Variants in SIPA1L3 observed in about 807,000 individuals in gnomAD.
SIPA1L3 encodes the protein signal induced proliferation associated 1 like 3.
In SIPA1L3, 59 loss-of-function variants were observed where a neutral mutation model predicts 150.1. That is an observed-to-expected ratio of 0.39 (90% CI 0.32 to 0.49). The LOEUF is 0.49. SIPA1L3 is among the 20% of genes least tolerant of loss of function. The pLI is 0.86. For synonymous variants in SIPA1L3, 1,070 were observed against 1,077.6 expected (o/e 0.99, Z 0.14); for missense variants, 2,211 against 2,489.5 (o/e 0.89, Z 2.38).
chr19:38,030,974 C>T (rs112744442), intron 2 of SIPA1L3, among the ~76,000 whole-genome samples: 58 of 152,168 alleles, frequency 3.8e-4, no homozygotes, highest in African/African-American at 1.3e-3. Context: ...AACTGAGTGG[C>T]TGTGGATGGA....
In SIPA1L3 at chr19:38,152,930, G is replaced by C. The variant is rs138757209; in HGVS notation, c.3624G>C (p.Leu1208=). The C allele has an allele frequency of 3.5e-5, 56 of 1,613,506 alleles. No individual in the cohort carries two copies. The African/African-American group carries it at 5.3e-4, about 15-fold the overall frequency. Reference sequence around the variant, plus strand: ...GCGGCGACTCCTCTTCCGGCGGCCTGACCAGCCAGGAGAGCACCATGGAAC... The same window carrying C: ...GCGGCGACTCCTCTTCCGGCGGCCTCACCAGCCAGGAGAGCACCATGGAAC... ...TSSGDSSSGG[L]TSQESTMERQ... is the part of the protein sequence containing the mutation. The change falls in exon 13 of 22, where the codon CTG becomes CTC. Residue 1208 remains leucine (L), a synonymous_variant. Transcript: ENST00000222345.
At chr19:38,161,340 CAAAAAAAAA>C (rs952754406) in intron 13 of SIPA1L3, among the ~76,000 whole-genome samples, 1 of 46,404 alleles carries the variant, frequency 2.2e-5, no homozygotes. Flanking sequence ...GACTCCGTCT[CAAAAAAAAA>C]AAAAAAAAAA....
chr19:38,188,137 C>T (rs1383041075), intron 16 of SIPA1L3, among the ~76,000 whole-genome samples: 1 of 151,848 alleles, frequency 6.6e-6, no homozygotes, highest in Non-Finnish European at 1.5e-5. Context: ...TGAGTCACTT[C>T]ACTTCTAACT....
At chr19:37,955,130 A>G (rs353405) in intron 1 of SIPA1L3, among the ~76,000 whole-genome samples, 119,273 of 145,414 alleles carry the variant, frequency 0.82, 49,485 homozygotes, top group African/African-American at 0.94. Context: ...GGTGGCTCAC[A>G]CCTGTAATCC....
chr19:37,930,634 G>C (rs2046545378), intron 1 of SIPA1L3, among the ~76,000 whole-genome samples: 1 of 152,162 alleles, frequency 6.6e-6, no homozygotes, highest in African/African-American at 2.4e-5. Context: ...GAGGAATGCA[G>C]TGTGGGCTCT....
At chr19:38,146,318 C>T (rs1024803382) in intron 12 of SIPA1L3, among the ~76,000 whole-genome samples, 3 of 152,116 alleles carry the variant, frequency 2.0e-5, no homozygotes, top group Admixed American at 6.5e-5. Context: ...CTGTTTATTC[C>T]GTGGTCTAGA....
intron 1 of SIPA1L3, among the ~76,000 whole-genome samples, chr19:38,012,169 C>T (rs751093598): frequency 6.6e-6 from 1 of 151,662 alleles, no homozygotes; most frequent in Non-Finnish European, 1.5e-5. Flanking sequence ...TTGCTGCAGC[C>T]TCGACCTTCC....
chr19:37,974,838 C>T (rs1967037834), intron 1 of SIPA1L3, among the ~76,000 whole-genome samples: 1 of 152,118 alleles, frequency 6.6e-6, no homozygotes, highest in African/African-American at 2.4e-5. Flanking sequence ...TATTCTAGGC[C>T]AGCCCTTCTC....
chr19:38,045,160 T>C (rs1172384199), intron 2 of SIPA1L3, among the ~76,000 whole-genome samples: 1 of 152,070 alleles, frequency 6.6e-6, no homozygotes, highest in Non-Finnish European at 1.5e-5. Flanking sequence ...GGCAGATCAC[T>C]TGAGGTCAGG....
At chr19:38,121,744 A>G (rs28808672) in intron 9 of SIPA1L3, among the ~76,000 whole-genome samples, 3 of 140,140 alleles carry the variant, frequency 2.1e-5, no homozygotes, top group African/African-American at 3.1e-5. Context: ...GTCTCAAAAA[A>G]AAATAAATAA....
At position 38,198,313 on chromosome 19, in the gene SIPA1L3, A is replaced by C. The variant is rs573786987; in HGVS notation, c.4841-76A>C. The C allele has an allele frequency of 3.7e-5, 52 of 1,405,026 alleles. No homozygotes were observed. In the East Asian group the frequency reaches 9.7e-4, roughly 26 times the overall value. 87.0% of individuals were successfully genotyped at this position (1,405,026 alleles called of 1,614,324 possible). On this transcript the variant is annotated intron_variant, in intron 18 of 21. Transcript: ENST00000222345. Reference sequence around the variant, plus strand: ...GGGCATGTAGCATCTCTGCATAAGCAATGGGATGTCTTCATGTATTTGTGT... The same window carrying C: ...GGGCATGTAGCATCTCTGCATAAGCCATGGGATGTCTTCATGTATTTGTGT...
chr19:38,127,405 G>A (rs1248873875), intron 9 of SIPA1L3, among the ~76,000 whole-genome samples: 1 of 152,054 alleles, frequency 6.6e-6, no homozygotes, highest in East Asian at 1.9e-4. Context: ...AAAAATTAAC[G>A]ATAATTCCTT....
chr19:38,049,361 G>A (rs1174840236), intron 2 of SIPA1L3, among the ~76,000 whole-genome samples: 6 of 152,088 alleles, frequency 3.9e-5, no homozygotes, highest in Non-Finnish European at 8.8e-5. Context: ...TCATTCTTTC[G>A]GTTTCTTCTG....
chr19:37,992,153 CCTT>C (rs1219153186), intron 1 of SIPA1L3, among the ~76,000 whole-genome samples: 5 of 152,166 alleles, frequency 3.3e-5, no homozygotes, highest in African/African-American at 9.7e-5. Context: ...TGCATTTCCT[CCTT>C]CTACAGCAAG....
intron 2 of SIPA1L3, among the ~76,000 whole-genome samples, chr19:38,053,560 CTT>C (rs1019175868): frequency 2.1e-5 from 3 of 145,336 alleles, no homozygotes; most frequent in Admixed American, 6.9e-5. Flanking sequence ...GAAGGAGGTA[CTT>C]TTTTTTTTTT....
Position 38,206,871 on chromosome 19 carries a change from G to C in SIPA1L3, c.*631G>C, listed in dbSNP as rs1973229479. On this transcript the variant is annotated 3_prime_UTR_variant, in exon 22 of 22. Coordinates refer to ENST00000222345, the MANE Select transcript of SIPA1L3 (RefSeq NM_015073.3). ...TTCTTAGAGTTTAAATTATTTTCTT[G>C]GGGGCCTGAGGATAGAGAGAGGCAA... 1 of 152,690 alleles carries C rather than the reference G, an allele frequency of 6.5e-6. No individual in the cohort carries two copies. The highest frequency in any genetic ancestry group is 2.1e-4 in the South Asian group (1 of 4,832). 9.5% of individuals were successfully genotyped at this position (152,690 alleles called of 1,614,324 possible).
At chr19:38,194,901 A>C (rs1972887686) in intron 18 of SIPA1L3, among the ~76,000 whole-genome samples, 1 of 152,150 alleles carries the variant, frequency 6.6e-6, no homozygotes, top group Admixed American at 6.5e-5. Flanking sequence ...AAATACAAAA[A>C]TTAGCTGGGC....
intron 16 of SIPA1L3, among the ~76,000 whole-genome samples, chr19:38,191,301 AG>A (rs1972798716): frequency 1.3e-5 from 2 of 151,562 alleles, no homozygotes; most frequent in African/African-American, 4.8e-5. Context: ...TTGGGAGGCC[AG>A]GGTAGGAGGG....
At chr19:38,142,933 A>G (rs1016013350) in intron 12 of SIPA1L3, among the ~76,000 whole-genome samples, 1 of 152,106 alleles carries the variant, frequency 6.6e-6, no homozygotes, top group Non-Finnish European at 1.5e-5. Context: ...TTGCAGCAGA[A>G]TTTTGATTGC....
Sources: gnomAD v4.1 joint callset for allele counts (sites outside exome capture counted in the v4.1 genomes callset) on GRCh38, gnomAD v4.1.1 for gene constraint, MANE v1.5 for transcripts, NCBI Gene and HGNC (gene_info 2026-07-23, HGNC 2026-07-21) for gene names.